The following ISL2 variants were observed in gnomAD, a reference collection of about 807,000 sequenced individuals.
ISL2 encodes the protein ISL LIM homeobox 2.
Under a neutral mutation model 34.6 loss-of-function variants are expected in ISL2, and 17 were observed. The observed-to-expected ratio is 0.49, with a 90% CI of 0.34 to 0.74. The LOEUF is 0.74. Among genes scored for constraint, ISL2 ranks in the 30% least tolerant of loss-of-function variants. The pLI is 0.01. For synonymous variants in ISL2, 232 were observed against 225.5 expected, an observed-to-expected ratio of 1.03 and a Z score of -0.26; for missense variants, 469 against 515.2, an observed-to-expected ratio of 0.91 and a Z score of 0.87.
At position 76,336,951 on chromosome 15, in the gene ISL2, T is replaced by C. The variant is rs760227928; in HGVS notation, c.58+10T>C. On this transcript the variant is annotated intron_variant, in intron 1 of 5. Transcript: ENST00000290759. ...GGTGATCATTCCAAGAGTAAGTATT[T>C]CTGTGTGTGTGTGGGGTGGGGTGTG... The C allele has an allele frequency of 1.9e-6, 3 of 1,606,834 alleles. No individual in the cohort carries two copies. The Admixed American group carries it at 5.0e-5, about 27-fold the overall frequency.
chr15:76,342,018 C>T lies in ISL2; in HGVS notation c.*183C>T. On this transcript the variant is annotated 3_prime_UTR_variant, in exon 6 of 6. Transcript: ENST00000290759. ...GGCGCCAGGATGCAACCTGCTTTCA[C>T]CAGACTGCAGACCCCTGCTCCGAGG... 1.7e-6 allele frequency: 1 copy of T among 589,808 alleles called. No homozygotes were observed. The highest frequency in any genetic ancestry group is 3.0e-6 in the Non-Finnish European group (1 of 329,118). 36.5% of individuals were successfully genotyped at this position (589,808 alleles called of 1,614,324 possible). A position where few individuals can be genotyped will look rare whatever the true frequency, so the allele number is the denominator to read the frequency against.
Position 76,338,276 on chromosome 15 carries a change from G to T in ISL2, c.273G>T (p.Lys91Asn). 1.3e-6 allele frequency: 2 copies of T among 1,581,736 alleles called. No individual in the cohort carries two copies. The change falls in exon 3 of 6, where the codon AAG (lysine) becomes AAT (asparagine). Residue 91 changes from lysine to asparagine, a missense_variant. This residue lies in a region of ISL2 where 297 missense variants were observed against 337.8 expected (regional missense o/e 0.88). Coordinates refer to ENST00000290759, the MANE Select transcript of ISL2 (RefSeq NM_145805.3). ...GGCTGTTCGGCATCAAGTGCGCCAA[G>T]TGCCAGGTGGGCTTCAGCAGCAGCG... ...YVRLFGIKCA[K>N]CQVGFSSSDL...
At chr15:76,340,007 C>A in intron 3 of ISL2, 5 of 1,289,846 alleles carry the variant, frequency 3.9e-6, no homozygotes, top group Non-Finnish European at 4.9e-6. Context: ...CTCCCCGCAG[C>A]GGCCTGTCGC....
rs1478280184 is a variant in ISL2, at chr15:76,342,042, G to A, written c.*207G>A. ...ACCAGACTGCAGACCCCTGCTCCGA[G>A]GACTCTTAGTTTTTCAAAACCAGAA... On this transcript the variant is annotated 3_prime_UTR_variant, in exon 6 of 6. Coordinates refer to ENST00000290759, the MANE Select transcript of ISL2 (RefSeq NM_145805.3). The A allele has an allele frequency of 1.1e-5, 6 of 523,720 alleles. No individual in the cohort carries two copies. The highest frequency in any genetic ancestry group is 9.9e-5 in the Admixed American group (3 of 30,352). 32.4% of individuals were successfully genotyped at this position (523,720 alleles called of 1,614,324 possible).
chr15:76,338,665 G>A, intron 3 of ISL2, 151 bp downstream of exon 3: 5 of 1,227,830 alleles, frequency 4.1e-6, no homozygotes, highest in Non-Finnish European at 5.1e-6. Flanking sequence ...GGAACTGTGT[G>A]CTGGGAACAA....
At chr15:76,336,997 A>T in intron 1 of ISL2, 56 bp downstream of exon 1, 1 of 1,462,360 alleles carries the variant, frequency 6.8e-7, no homozygotes, top group East Asian at 2.3e-5. Context: ...TAATATGCAA[A>T]ATTTCTAATG....
chr15:76,338,374 T>A lies in ISL2; in HGVS notation c.371T>A (p.Leu124Gln), dbSNP rs1378883982. The A allele has an allele frequency of 1.3e-6, 2 of 1,552,482 alleles. No individual in the cohort carries two copies. Among genetic ancestry groups the A allele is most frequent in the Middle Eastern group, 1.7e-4 (1 of 5,766 alleles). The stretch of plus-strand genomic sequence containing the variant: ...CGCTGCTCCGTGTGCAGCCGCCAGC[T>A]GCTGCCTGGGGACGAGTTCTCGCTG... ...CFRCSVCSRQ[L>Q]LPGDEFSLRE... Residue 124 changes from leucine (L) to glutamine (Q), a missense_variant, in exon 3 of 6, where the codon CTG (leucine) becomes CAG (glutamine). Physicochemically the swap from Leu to Gln is moderately radical, Grantham distance 113. Around this residue, in one of 3 missense-constraint regions of ISL2, gnomAD observed 297 missense variants for 337.8 expected, o/e 0.88. Coordinates refer to ENST00000290759, the MANE Select transcript of ISL2 (RefSeq NM_145805.3).
chr15:76,338,455 C>G lies in ISL2; in HGVS notation c.452C>G (p.Ala151Gly), dbSNP rs944342660. ...CACGGCCTCCTGCTCGAGCGCGCCG[C>G]GGCCGGCAGCCCGCGCAGCCCCGGC... ...ADHGLLLERA[A>G]AGSPRSPGPL... is the part of the protein sequence containing the mutation. Residue 151 changes from alanine (A) to glycine (G), a missense_variant, in exon 3 of 6, where the codon GCG becomes GGG. Transcript: ENST00000290759. The G allele has an allele frequency of 3.5e-6, 5 of 1,421,970 alleles. No individual in the cohort carries two copies. Among genetic ancestry groups the G allele is most frequent in the Non-Finnish European group, 4.6e-6 (5 of 1,090,914 alleles). The allele number at this position is 1,421,970 out of a possible 1,614,324, so 88.1% of individuals were successfully genotyped here.
intron 3 of ISL2, chr15:76,339,790 G>A: frequency 1.0e-6 from 1 of 992,634 alleles, no homozygotes; most frequent in Non-Finnish European, 1.2e-6. Context: ...GGAGGGGAAG[G>A]GCCCTCGTAG....
chr15:76,341,324 C>A lies in ISL2; in HGVS notation c.963+23C>A, dbSNP rs779506956. ...CTGGTGAGGCCCTGCCCTACCCGCC[C>A]CGACCTCGGGACTCTGCGGGTTGGG... On this transcript the variant is annotated intron_variant, in intron 5 of 5. Transcript: ENST00000290759. 50 of 1,577,198 alleles carry A rather than the reference C, an allele frequency of 3.2e-5. No homozygotes were observed. In the African/African-American group the frequency reaches 6.2e-4, roughly 19 times the overall value.
chr15:76,337,876 C>T lies in ISL2; in HGVS notation c.157C>T (p.Leu53Phe). ...CGACCTCGAGTGGCACGCGGCCTGC[C>T]TCAAGTGTGCCGAGTGCAGCCAGTA... ...SPDLEWHAAC[L>F]KCAECSQYLD... is the part of the protein sequence containing the mutation. Residue 53 changes from leucine to phenylalanine, a missense_variant, in exon 2 of 6, where the codon CTC becomes TTC. This residue lies in a region of ISL2 where 297 missense variants were observed against 337.8 expected (regional missense o/e 0.88). Coordinates refer to ENST00000290759, the MANE Select transcript of ISL2 (RefSeq NM_145805.3). The T allele has an allele frequency of 6.2e-7, 1 of 1,612,770 alleles. No individual in the cohort carries two copies.
intron 3 of ISL2, chr15:76,340,000 C>T: frequency 7.8e-7 from 1 of 1,284,626 alleles, no homozygotes; most frequent in Non-Finnish European, 9.8e-7. Flanking sequence ...CCACTCCCTC[C>T]CCGCAGCGGC....
chr15:76,340,103 G>T, intron 3 of ISL2, 173 bp from the exon 4 acceptor site: 1 of 1,419,660 alleles, frequency 7.0e-7, no homozygotes, highest in South Asian at 1.5e-5. Flanking sequence ...AAAATGCACA[G>T]CTCTCTCCGA....
In ISL2 at chr15:76,336,786, G is replaced by A. The variant is rs957409319; in HGVS notation, c.-98G>A. 9.5e-6 allele frequency: 10 copies of A among 1,048,994 alleles called. No homozygotes were observed. The highest frequency in any genetic ancestry group is 7.1e-5 in the East Asian group (3 of 42,314). The allele number at this position is 1,048,994 out of a possible 1,614,324, so 65.0% of individuals were successfully genotyped here. On this transcript the variant is annotated 5_prime_UTR_variant, in exon 1 of 6. Coordinates refer to ENST00000290759, the MANE Select transcript of ISL2 (RefSeq NM_145805.3). The stretch of plus-strand genomic sequence containing the variant: ...TGCGGAATCGCTCCTTCAACTCCGC[G>A]GGGCAGTAGGAGTTAGTTAGCAAAG...
rs778687295 is a variant in ISL2 at position 76,340,406 on chromosome 15, G to A, written c.642G>A (p.Pro214=). 1.9e-6 allele frequency: 3 copies of A among 1,613,704 alleles called. No individual in the cohort carries two copies. In the Admixed American group the frequency reaches 5.0e-5, roughly 27 times the overall value. ...TGCGGACCTGCTACGCCGCCAACCCGCGGCCCGACGCTCTCATGAAGGAGC... is the reference window on the plus strand; with the variant it reads ...TGCGGACCTGCTACGCCGCCAACCCACGGCCCGACGCTCTCATGAAGGAGC... The part of the protein sequence containing the change: ...HTLRTCYAAN[P]RPDALMKEQL... Residue 214 remains proline, a synonymous_variant, in exon 4 of 6, where the codon CCG becomes CCA. Transcript: ENST00000290759.
chr15:76,341,362 T>A (rs1230994051), intron 5 of ISL2, 61 bp downstream of exon 5: 1 of 1,495,392 alleles, frequency 6.7e-7, no homozygotes, highest in Non-Finnish European at 9.0e-7. Flanking sequence ...TTTAGCCACT[T>A]AGCCTGGCAG....
intron 3 of ISL2, chr15:76,339,463 C>T: frequency 1.0e-6 from 1 of 985,574 alleles, no homozygotes; most frequent in African/African-American, 1.7e-5. Flanking sequence ...AGCGGGTATT[C>T]AGTGCACCCC....
chr15:76,341,524 C>T (rs1225156414), intron 5 of ISL2, among the ~76,000 whole-genome samples, 195 bp from the exon 6 acceptor site: 1 of 152,212 alleles, frequency 6.6e-6, no homozygotes. Flanking sequence ...AGAGAGGTCG[C>T]AGGATTAACC....
At chr15:76,336,985 C>A in intron 1 of ISL2, 44 bp downstream of exon 1, 1 of 1,516,952 alleles carries the variant, frequency 6.6e-7, no homozygotes, top group Admixed American at 1.7e-5. Context: ...TGTGTGTATG[C>A]TTAATATGCA....
Sources: gnomAD v4.1 joint callset for allele counts (sites outside exome capture counted in the v4.1 genomes callset) on GRCh38, gnomAD v4.1.1 for gene constraint, gnomAD v4.1.1 regional missense constraint, MANE v1.5 for transcripts, NCBI Gene and HGNC (gene_info 2026-07-23, HGNC 2026-07-21) for gene names.